The following DAB1 variants were observed in gnomAD, a reference collection of about 807,000 sequenced individuals.
DAB1 encodes the protein disabled homolog 1.
A neutral mutation model predicts 64.6 loss-of-function variants in DAB1; 15 were observed. The observed-to-expected ratio is 0.23, with a 90% confidence interval of 0.16 to 0.36. The LOEUF (loss-of-function observed/expected upper bound fraction) is 0.36, where lower values mean the gene tolerates loss of function less well. Ranked by LOEUF, DAB1 falls within the 10% of genes least tolerant of loss-of-function variation. DAB1 has a pLI of 1.00. For missense variants in DAB1, 596 were observed against 706.7 expected (o/e 0.84, Z 1.78); for synonymous variants, 235 against 251.9 (o/e 0.93, Z 0.64).
chr1:58,489,513 G>T (rs564157567), intron 3 of DAB1, among the ~76,000 whole-genome samples: 1 of 152,276 alleles, frequency 6.6e-6, no homozygotes, highest in East Asian at 1.9e-4. Context: ...TCCACCTCTG[G>T]GGGCAGGGCA....
At chr1:57,986,260 TA>T (rs1646215755) in intron 5 of DAB1, among the ~76,000 whole-genome samples, 1 of 152,062 alleles carries the variant, frequency 6.6e-6, no homozygotes, top group Non-Finnish European at 1.5e-5. Flanking sequence ...GAGGTGATGG[TA>T]TTGGAGGAGG....
At chr1:58,319,606 A>G (rs1662637510) in intron 4 of DAB1, among the ~76,000 whole-genome samples, 1 of 152,238 alleles carries the variant, frequency 6.6e-6, no homozygotes, top group Admixed American at 6.5e-5. Context: ...TATGGCTGCC[A>G]ACAGCTTGTG....
At chr1:57,743,824 A>AT (rs1405021851) in intron 6 of DAB1, among the ~76,000 whole-genome samples, 1 of 152,260 alleles carries the variant, frequency 6.6e-6, no homozygotes. Context: ...TTGCCCACAT[A>AT]TTTATTAACA....
chr1:58,259,950 A>T (rs1557717268), intron 4 of DAB1, among the ~76,000 whole-genome samples: 1 of 152,206 alleles, frequency 6.6e-6, no homozygotes, highest in Non-Finnish European at 1.5e-5. Context: ...TTTAACCTTC[A>T]CAATAACCCT....
chr1:57,246,084 G>A (rs1487200882), intron 2 of DAB1, among the ~76,000 whole-genome samples: 1 of 152,214 alleles, frequency 6.6e-6, no homozygotes, highest in Non-Finnish European at 1.5e-5. Context: ...CATTTTCTGG[G>A]GAGAAATTCA....
chr1:57,058,315 T>G (rs1345125709), intron 9 of DAB1, among the ~76,000 whole-genome samples: 1 of 152,316 alleles, frequency 6.6e-6, no homozygotes, highest in South Asian at 2.1e-4. Context: ...GAACCAACAC[T>G]GTCTTAGTTT....
rs1419027906 is a variant in DAB1, at chr1:57,071,561, C to T, written c.519G>A (p.Lys173=). The change falls in exon 6 of 15, where the codon AAG becomes AAA. Residue 173 remains lysine (K), a synonymous_variant. Coordinates refer to ENST00000371236, the MANE Select transcript of DAB1 (RefSeq NM_001365792.1). Reference sequence around the variant, plus strand: ...GTTCACACTGCTTATCCTTTTGTGCCTTTTTTTCTAATTCTTCTCTTTGCT... The same window carrying T: ...GTTCACACTGCTTATCCTTTTGTGCTTTTTTTTCTAATTCTTCTCTTTGCT... ...ELKQREELEK[K]AQKDKQCEQA... The T allele has an allele frequency of 3.1e-6, 5 of 1,613,626 alleles. No homozygotes were observed. In the African/African-American group the frequency reaches 5.3e-5, roughly 17 times the overall value.
At chr1:57,484,468 T>C (rs1348871633) in intron 7 of DAB1, among the ~76,000 whole-genome samples, 1 of 152,156 alleles carries the variant, frequency 6.6e-6, no homozygotes, top group Admixed American at 6.5e-5. Context: ...AGCAAAGGCA[T>C]GGTGAGAAAT....
chr1:58,045,673 T>G (rs982353819), intron 5 of DAB1, among the ~76,000 whole-genome samples: 1 of 152,194 alleles, frequency 6.6e-6, no homozygotes, highest in African/African-American at 2.4e-5. Flanking sequence ...CTTTTTAGAC[T>G]ATGTGCTGAA....
At chr1:57,963,840 T>C (rs1645587179) in intron 5 of DAB1, among the ~76,000 whole-genome samples, 1 of 152,196 alleles carries the variant, frequency 6.6e-6, no homozygotes, top group Non-Finnish European at 1.5e-5. Flanking sequence ...CATTTGGCAG[T>C]GCTTCTGTGC....
chr1:57,945,445 TA>T (rs201752407), intron 5 of DAB1, among the ~76,000 whole-genome samples: 16,161 of 150,640 alleles, frequency 0.11, 1,038 homozygotes, highest in African/African-American at 0.16. Context: ...TTATTATTAT[TA>T]TTATTATTAT....
intron 2 of DAB1, among the ~76,000 whole-genome samples, chr1:57,233,230 T>C (rs538229222): frequency 6.8e-6 from 1 of 147,662 alleles, no homozygotes; most frequent in East Asian, 2.1e-4. Flanking sequence ...ATCTCAGCAA[T>C]GCAGCTTCAA....
intron 5 of DAB1, among the ~76,000 whole-genome samples, chr1:58,119,498 C>T (rs968429412): frequency 2.0e-5 from 3 of 152,234 alleles, no homozygotes; most frequent in South Asian, 2.1e-4. Flanking sequence ...TTCTAAATTT[C>T]GGACACACAT....
In DAB1 at chr1:57,062,947, T is replaced by G. The variant is rs748201073; in HGVS notation, c.664-4A>C. 6.2e-7 allele frequency: 1 copy of G among 1,613,876 alleles called. No individual in the cohort carries two copies. The highest frequency in any genetic ancestry group is 2.2e-5 in the East Asian group (1 of 44,868). Reference sequence around the variant, plus strand: ...CCTTCTTTTGGCTGGTGGGAACCTATGGAAAAATTAAATTCAGCACAGTCA... The same window carrying G: ...CCTTCTTTTGGCTGGTGGGAACCTAGGGAAAAATTAAATTCAGCACAGTCA... On this transcript the variant is annotated splice_region_variant and splice_polypyrimidine_tract_variant and intron_variant, in intron 8 of 14. Coordinates refer to ENST00000371236, the MANE Select transcript of DAB1 (RefSeq NM_001365792.1).
At chr1:57,359,374 A>G (rs910398924) in intron 1 of DAB1, among the ~76,000 whole-genome samples, 1 of 152,098 alleles carries the variant, frequency 6.6e-6, no homozygotes, top group African/African-American at 2.4e-5. Flanking sequence ...TGAAATGCAA[A>G]TCAAAACCAC....
chr1:57,537,445 C>A (rs768308339), intron 7 of DAB1, among the ~76,000 whole-genome samples: 17 of 152,194 alleles, frequency 1.1e-4, no homozygotes, highest in Non-Finnish European at 7.3e-5. Context: ...TTCTCTATTG[C>A]AGTGATACCA....
At chr1:57,056,752 T>G (rs889436574) in intron 9 of DAB1, among the ~76,000 whole-genome samples, 4 of 151,896 alleles carry the variant, frequency 2.6e-5, no homozygotes, top group Admixed American at 6.6e-5. Flanking sequence ...CAATCCCAGT[T>G]ACTTGGGAGG....
chr1:58,040,233 T>C (rs1479179365), intron 5 of DAB1, among the ~76,000 whole-genome samples: 4 of 152,218 alleles, frequency 2.6e-5, no homozygotes, highest in South Asian at 4.1e-4. Context: ...AAAGCAAAAG[T>C]TAAATCCCTT....
intron 5 of DAB1, among the ~76,000 whole-genome samples, chr1:58,081,623 T>A (rs191381731): frequency 2.0e-5 from 3 of 152,354 alleles, no homozygotes; most frequent in Admixed American, 2.0e-4. Flanking sequence ...GCTCCTACTA[T>A]TCTCTTAGAA....
Sources: allele counts gnomAD v4.1 joint callset (sites outside exome capture counted in the v4.1 genomes callset), GRCh38; gene constraint gnomAD v4.1.1; transcripts MANE v1.5; gene names NCBI Gene and HGNC (gene_info 2026-07-23, HGNC 2026-07-21).